COPS4: variants seen among roughly 807,000 people sequenced by gnomAD.
COPS4 encodes the protein COP9 signalosome complex subunit 4.
In COPS4, 8 loss-of-function variants were observed where a neutral mutation model predicts 55.1. That is an observed-to-expected ratio of 0.15 (90% CI 0.09 to 0.26). The LOEUF (loss-of-function observed/expected upper bound fraction) is 0.26, where lower values mean the gene tolerates loss of function less well. Among genes scored for constraint, COPS4 ranks in the 10% least tolerant of loss-of-function variants. The pLI, the probability that COPS4 is intolerant of heterozygous loss-of-function variation, is 1.00. For synonymous variants in COPS4, 185 were observed against 165.7 expected, an observed-to-expected ratio of 1.12 and a Z score of -0.90; for missense variants, 248 against 484.0, an observed-to-expected ratio of 0.51 and a Z score of 4.58.
At chr4:83,075,209 G>A (rs1644386178) in intron 9 of COPS4, 88 bp from the exon 10 acceptor site, 3 of 1,156,834 alleles carry the variant, frequency 2.6e-6, no homozygotes, top group Non-Finnish European at 3.7e-6. Flanking sequence ...TCCAAGAATA[G>A]GCATGTAAAA....
chr4:83,067,323 C>A (rs1412860509), intron 8 of COPS4, among the ~76,000 whole-genome samples: 1 of 151,728 alleles, frequency 6.6e-6, no homozygotes, highest in Non-Finnish European at 1.5e-5. Context: ...TTCACTGCAA[C>A]CTCTACCTCC....
intron 1 of COPS4, among the ~76,000 whole-genome samples, chr4:83,042,894 C>CA (rs1209247338): frequency 6.6e-6 from 1 of 151,206 alleles, no homozygotes; most frequent in Non-Finnish European, 1.5e-5. Flanking sequence ...CATGAGCCAC[C>CA]ACGCCCAACC....
At chr4:83,068,577 T>G (rs1406726471) in intron 9 of COPS4, 55 bp downstream of exon 9, 6 of 1,110,828 alleles carry the variant, frequency 5.4e-6, no homozygotes, top group Non-Finnish European at 8.2e-6. Flanking sequence ...CTGTTATATT[T>G]GTGATTAAAA....
intron 7 of COPS4, among the ~76,000 whole-genome samples, chr4:83,065,971 C>T (rs550985624): frequency 3.9e-5 from 6 of 152,244 alleles, no homozygotes; most frequent in Non-Finnish European, 7.4e-5. Flanking sequence ...GCCAACATGA[C>T]GAAACCCTGT....
chr4:83,073,421 C>A (rs371518381), intron 9 of COPS4: 8 of 412,354 alleles, frequency 1.9e-5, no homozygotes, highest in East Asian at 1.1e-4. Context: ...CTCAATTCCA[C>A]CACTGGTTTT....
At chr4:83,049,714 C>G (rs1309789400) in intron 3 of COPS4, among the ~76,000 whole-genome samples, 167 bp from the exon 4 acceptor site, 1 of 152,166 alleles carries the variant, frequency 6.6e-6, no homozygotes, top group African/African-American at 2.4e-5. Flanking sequence ...GTTTGATATT[C>G]TGTAAATGCA....
chr4:83,062,973 ATATT>A, intron 6 of COPS4, 99 bp from the exon 7 acceptor site: 2 of 942,878 alleles, frequency 2.1e-6, no homozygotes, highest in Non-Finnish European at 1.6e-6. Context: ...TACTGGCTGT[ATATT>A]TAGTAGACAA....
chr4:83,037,209 A>G (rs555572493), intron 1 of COPS4, among the ~76,000 whole-genome samples: 6 of 152,294 alleles, frequency 3.9e-5, no homozygotes, highest in African/African-American at 1.4e-4. Context: ...TTAGGTGCCT[A>G]TGAGAGGGGA....
intron 2 of COPS4, among the ~76,000 whole-genome samples, chr4:83,046,280 A>G (rs1477654704): frequency 1.3e-5 from 2 of 152,228 alleles, no homozygotes; most frequent in Non-Finnish European, 2.9e-5. Flanking sequence ...AAGTAAAAAA[A>G]TAACAAATTC....
intron 6 of COPS4, among the ~76,000 whole-genome samples, chr4:83,057,688 C>A (rs949581917): frequency 6.6e-6 from 1 of 151,772 alleles, no homozygotes; most frequent in Non-Finnish European, 1.5e-5. Flanking sequence ...TTTGGGAGGC[C>A]GAGGCGGGTG....
At position 83,057,271 on chromosome 4, in the gene COPS4, G is replaced by A. The variant is rs1479175055; in HGVS notation, c.578G>A (p.Arg193His). ...TCCCTCTGTTAGGTATGCTATGCACGTGTTCTTGATTATAGAAGAAAATTC... is the reference window on the plus strand; with the variant it reads ...TCCCTCTGTTAGGTATGCTATGCACATGTTCTTGATTATAGAAGAAAATTC... ...LQIHYKVCYA[R>H]VLDYRRKFIE... Residue 193 changes from arginine (R) to histidine (H), a missense_variant, in exon 6 of 10, where the codon CGT becomes CAT. Arg to His is a conservative substitution (Grantham distance 29). This residue lies in a region of COPS4 where 155 missense variants were observed against 326.6 expected (regional missense o/e 0.47). Transcript: ENST00000264389. 1.2e-6 allele frequency: 2 copies of A among 1,605,320 alleles called. No individual in the cohort carries two copies. Among genetic ancestry groups the A allele is most frequent in the Admixed American group, 1.7e-5 (1 of 58,178 alleles).
At chr4:83,057,883 C>G (rs1254863302) in intron 6 of COPS4, among the ~76,000 whole-genome samples, 2 of 142,958 alleles carry the variant, frequency 1.4e-5, no homozygotes, top group Admixed American at 1.4e-4. Flanking sequence ...GATCAGGCCA[C>G]TGCACTCCAG....
intron 1 of COPS4, among the ~76,000 whole-genome samples, chr4:83,041,617 A>G (rs1359012099): frequency 6.6e-6 from 1 of 150,816 alleles, no homozygotes; most frequent in Non-Finnish European, 1.5e-5. Flanking sequence ...ACAGTTGTGC[A>G]CCATCACACT....
intron 2 of COPS4, 90 bp downstream of exon 2, chr4:83,045,795 A>G (rs1730693899): frequency 2.8e-6 from 2 of 717,728 alleles, no homozygotes; most frequent in Non-Finnish European, 4.7e-6. Flanking sequence ...CAAATTATCA[A>G]TATTAAATAT....
chr4:83,074,018 T>G (rs1178909754), intron 9 of COPS4, among the ~76,000 whole-genome samples: 3 of 152,146 alleles, frequency 2.0e-5, no homozygotes, highest in African/African-American at 7.2e-5. Flanking sequence ...TTTTGTAAAT[T>G]TTGGTACTGT....
chr4:83,052,590 A>G (rs142208797), intron 4 of COPS4, among the ~76,000 whole-genome samples: 316 of 152,194 alleles, frequency 2.1e-3, no homozygotes, highest in African/African-American at 7.3e-3. Context: ...CTTTCATTGC[A>G]TTGCTCCAGT....
rs1450688390 is a variant in COPS4, at chr4:83,035,189, A to C, written c.-36A>C. ...CACACTCGTTTTCTTTTTGGCTGCC[A>C]GAGGCCCCCGCATCCACCGCTGAGC... On this transcript the variant is annotated 5_prime_UTR_variant, in exon 1 of 10. Transcript: ENST00000264389. 23 of 1,518,576 alleles carry C rather than the reference A, an allele frequency of 1.5e-5. No homozygotes were observed. Among genetic ancestry groups the C allele is most frequent in the Non-Finnish European group, 2.0e-5 (22 of 1,117,312 alleles). 94.1% of individuals were successfully genotyped at this position (1,518,576 alleles called of 1,614,324 possible).
intron 2 of COPS4, among the ~76,000 whole-genome samples, chr4:83,046,763 G>A (rs1225548083): frequency 6.6e-6 from 1 of 152,146 alleles, no homozygotes; most frequent in Non-Finnish European, 1.5e-5. Context: ...CACATTACCT[G>A]TCACATAGGC....
intron 4 of COPS4, among the ~76,000 whole-genome samples, chr4:83,056,519 C>A (rs919102531): frequency 6.6e-6 from 1 of 152,122 alleles, no homozygotes; most frequent in Non-Finnish European, 1.5e-5. Flanking sequence ...TGATTCCCGG[C>A]CGGGGGCAGT....
Sources: allele counts gnomAD v4.1 joint callset (sites outside exome capture counted in the v4.1 genomes callset), GRCh38; gene constraint gnomAD v4.1.1; regional missense constraint gnomAD v4.1.1; transcripts MANE v1.5; gene names NCBI Gene and HGNC (gene_info 2026-07-23, HGNC 2026-07-21).